The following RNF144B variants were observed in gnomAD, a reference collection of about 807,000 sequenced individuals.
RNF144B encodes ring finger protein 144B.
Under a neutral mutation model 40.2 loss-of-function variants are expected in RNF144B, and 25 were observed. The ratio of observed to expected loss-of-function variants is 0.62; its 90% CI spans 0.45 to 0.87. The LOEUF is 0.87. Ranked by LOEUF, RNF144B falls within the 40% of genes least tolerant of loss-of-function variation. RNF144B has a pLI of 0.00. For synonymous variants in RNF144B, 145 were observed against 136.3 expected, an observed-to-expected ratio of 1.06 and a Z score of -0.44; for missense variants, 365 against 373.7, an observed-to-expected ratio of 0.98 and a Z score of 0.19.
In RNF144B at chr6:18,387,890, G is replaced by A. The variant is rs193289751; in HGVS notation, c.-37+260G>A. ...TATAATAGAATGTATTGTAGAATCC[G>A]AGATTAGACCAGACCTCTCCCTAGG... On this transcript the variant is annotated intron_variant, in intron 1 of 7. Coordinates refer to ENST00000259939, the MANE Select transcript of RNF144B (RefSeq NM_182757.4). Among the ~76,000 whole-genome samples, 29 of 152,230 alleles carry A rather than the reference G, an allele frequency of 1.9e-4. No homozygotes were observed. The East Asian group carries it at 5.0e-3, about 26-fold the overall frequency.
rs58124564 is a variant in RNF144B, at chr6:18,406,457, AGTGTGTGT to A, written c.165+6795_165+6802del. On this transcript the variant is annotated intron_variant, in intron 2 of 7. Coordinates refer to ENST00000259939, the MANE Select transcript of RNF144B (RefSeq NM_182757.4). This position sits in a 1 kb window ranked among gnomAD's most constrained non-coding sequence, Gnocchi z 4.2. Reference sequence around the variant, plus strand: ...CAAAGGAGGCTGGTGTGGCTGGAAAAGTGTGTGTGTGTGTGTGTGTGTGTGTGTGTGTG... The same window carrying A: ...CAAAGGAGGCTGGTGTGGCTGGAAAAGTGTGTGTGTGTGTGTGTGTGTGTG... 0.17 allele frequency among the ~76,000 whole-genome samples: 22,527 copies of A among 130,910 alleles called. 1,961 individuals are homozygous for A. Among genetic ancestry groups the A allele is most frequent in the Admixed American group, 0.27 (3,491 of 13,048 alleles). The allele number at this position is 130,910 out of a possible 152,430, so 85.9% of individuals were successfully genotyped here.
rs9942540 is a variant in RNF144B, at chr6:18,461,871, A to G, written c.682-1420A>G. Among the ~76,000 whole-genome samples, 1,503 of 152,196 alleles carry G rather than the reference A, an allele frequency of 9.9e-3. 26 individuals are homozygous for G. Among genetic ancestry groups the G allele is most frequent in the African/African-American group, 0.035 (1,442 of 41,518 alleles). Reference sequence around the variant, plus strand: ...AAATCCAGGCCTGAGACGGACACCAAACAGGAATTTTGAGTGTTGTTGGAG... The same window carrying G: ...AAATCCAGGCCTGAGACGGACACCAGACAGGAATTTTGAGTGTTGTTGGAG... On this transcript the variant is annotated intron_variant, in intron 6 of 7. Coordinates refer to ENST00000259939, the MANE Select transcript of RNF144B (RefSeq NM_182757.4).
At chr6:18,409,520 G>A (rs1794990810) in intron 2 of RNF144B, among the ~76,000 whole-genome samples, 1 of 149,366 alleles carries the variant, frequency 6.7e-6, no homozygotes, top group African/African-American at 2.5e-5. Context: ...CACCCTCTTG[G>A]GTTGACAGAA....
chr6:18,449,380 T>C (rs1344263557), intron 4 of RNF144B, among the ~76,000 whole-genome samples: 1 of 152,188 alleles, frequency 6.6e-6, no homozygotes, highest in East Asian at 1.9e-4. Context: ...ACAAACGTAA[T>C]CATCTCAAAG....
chr6:18,427,812 CACTTTATTGCAGCTT>C (rs1289638740), intron 3 of RNF144B, 127 bp downstream of exon 3: 1 of 616,260 alleles, frequency 1.6e-6, no homozygotes, highest in Non-Finnish European at 2.8e-6. Context: ...TTTAAAGGAG[CACTTTATTGCAGCTT>C]ACCTTTGGAC....
rs1489225621 is a variant in RNF144B, at chr6:18,458,134, C to T, written c.536+775C>T. ...TCTATTTTTAGTAGAGATGGGGTTT[C>T]ACCATATTGGCCAGGCTGGTCTTGA... is the stretch of plus-strand genomic sequence containing the variant. On this transcript the variant is annotated intron_variant, in intron 5 of 7. Transcript: ENST00000259939. This position sits in a 1 kb window ranked among gnomAD's most constrained non-coding sequence, Gnocchi z 4.8. 6.6e-6 allele frequency among the ~76,000 whole-genome samples: 1 copy of T among 152,028 alleles called. No homozygotes were observed. Among genetic ancestry groups the T allele is most frequent in the East Asian group, 1.9e-4 (1 of 5,184 alleles).
At position 18,425,094 on chromosome 6, in the gene RNF144B, A is replaced by C. The variant is rs1193810115; in HGVS notation, c.166-2487A>C. Among the ~76,000 whole-genome samples, 1 of 152,132 alleles carries C rather than the reference A, an allele frequency of 6.6e-6. No individual in the cohort carries two copies. Among genetic ancestry groups the C allele is most frequent in the East Asian group, 1.9e-4 (1 of 5,200 alleles). Reference sequence around the variant, plus strand: ...GTGTGTTAAAACCTGTGAGGTAACTATAACAGGTATTATTGTCCCTACTTT... The same window carrying C: ...GTGTGTTAAAACCTGTGAGGTAACTCTAACAGGTATTATTGTCCCTACTTT... On this transcript the variant is annotated intron_variant, in intron 2 of 7. Transcript: ENST00000259939. The surrounding 1 kb of genome is among the most constrained non-coding windows in gnomAD (Gnocchi z 4.2).
chr6:18,391,980 C>T lies in RNF144B; in HGVS notation c.-37+4350C>T, dbSNP rs1237421197. 7.5e-5 allele frequency among the ~76,000 whole-genome samples: 10 copies of T among 134,106 alleles called. No homozygotes were observed. The South Asian group carries it at 1.5e-3, about 20-fold the overall frequency. The allele number at this position is 134,106 out of a possible 152,430, so 88.0% of individuals were successfully genotyped here. A position where few individuals can be genotyped will look rare whatever the true frequency, so the allele number is the denominator to read the frequency against. ...TTGGGAGGCCGACGCGGGAGGATCA[C>T]GGAGGTCAGGAGATCGAGACCATCC... On this transcript the variant is annotated intron_variant, in intron 1 of 7. Coordinates refer to ENST00000259939, the MANE Select transcript of RNF144B (RefSeq NM_182757.4).
At chr6:18,462,546 C>T (rs1759477859) in intron 6 of RNF144B, among the ~76,000 whole-genome samples, 1 of 152,196 alleles carries the variant, frequency 6.6e-6, no homozygotes, top group African/African-American at 2.4e-5. Flanking sequence ...TCTTCTACCC[C>T]ATGTACACCG....
chr6:18,448,687 T>TGC lies in RNF144B; in HGVS notation c.332-8467_332-8466dup, dbSNP rs1759139330. 2.6e-5 allele frequency among the ~76,000 whole-genome samples: 2 copies of TGC among 76,258 alleles called. No homozygotes were observed. The highest frequency in any genetic ancestry group is 4.2e-5 in the African/African-American group (1 of 23,812). The allele number at this position is 76,258 out of a possible 152,430, so 50.0% of individuals were successfully genotyped here. On this transcript the variant is annotated intron_variant, in intron 4 of 7. Transcript: ENST00000259939. This position sits in a 1 kb window ranked among gnomAD's most constrained non-coding sequence, Gnocchi z 4.0. ...ATCCATTTTATTTTGAAAGCCAGCA[T>TGC]GCACACACACACACACACACACACA...
At position 18,459,730 on chromosome 6, in the gene RNF144B, G is replaced by A. The variant is rs1314651413; in HGVS notation, c.660G>A (p.Trp220Ter). The change falls in exon 6 of 8, where the codon TGG (tryptophan) becomes TGA (stop). Residue 220 changes from tryptophan to a stop codon, truncating the protein, a stop_gained. Transcript: ENST00000259939. LOFTEE classifies it high-confidence loss of function. The surrounding 1 kb of genome is among the most constrained non-coding windows in gnomAD (Gnocchi z 4.2). ...MCKNCKHTFC[W>*]YCLQNLDNDI... ...AAAACTGCAAGCATACATTTTGCTG[G>A]TACTGCCTCCAGAACTTGGATGTAA... The A allele has an allele frequency of 1.9e-6, 3 of 1,613,928 alleles. No individual in the cohort carries two copies. In the African/African-American group the frequency reaches 4.0e-5, roughly 22 times the overall value.
At chr6:18,429,601 T>C (rs1278166197) in intron 3 of RNF144B, among the ~76,000 whole-genome samples, 1 of 151,740 alleles carries the variant, frequency 6.6e-6, no homozygotes, top group African/African-American at 2.4e-5. Flanking sequence ...ATGTAAACCC[T>C]GTGGAGAGAT....
chr6:18,430,319 A>G (rs1758664711), intron 3 of RNF144B, among the ~76,000 whole-genome samples: 1 of 152,240 alleles, frequency 6.6e-6, no homozygotes, highest in African/African-American at 2.4e-5. Flanking sequence ...AGTGTTTTAG[A>G]ATTTTCAGTA....
In RNF144B at chr6:18,467,538, CAG is replaced by C. The variant is rs2113547383; in HGVS notation, c.*2473_*2474del. 1 of 149,924 alleles carries C rather than the reference CAG, an allele frequency of 6.7e-6. No individual in the cohort carries two copies. Among genetic ancestry groups the C allele is most frequent in the African/African-American group, 2.5e-5 (1 of 40,714 alleles). 9.3% of individuals were successfully genotyped at this position (149,924 alleles called of 1,614,324 possible). On this transcript the variant is annotated 3_prime_UTR_variant, in exon 8 of 8. Transcript: ENST00000259939. ...AATTCTTAAATGTGTGTGAGATTGTCAGAATCAACAAAACTAGGTTGGTTAAA... is the reference window on the plus strand; with the variant it reads ...AATTCTTAAATGTGTGTGAGATTGTCAATCAACAAAACTAGGTTGGTTAAA...
rs1422197403 is a variant in RNF144B, at chr6:18,425,047, G to T, written c.166-2534G>T. Among the ~76,000 whole-genome samples, 5 of 148,560 alleles carry T rather than the reference G, an allele frequency of 3.4e-5. No individual in the cohort carries two copies. The highest frequency in any genetic ancestry group is 2.1e-4 in the Admixed American group (3 of 14,498). The stretch of plus-strand genomic sequence containing the variant: ...ATATATAAATTTCACGTGTATGTGT[G>T]TATGTGTGGGTGTGTGTGTGTGTGT... On this transcript the variant is annotated intron_variant, in intron 2 of 7. Coordinates refer to ENST00000259939, the MANE Select transcript of RNF144B (RefSeq NM_182757.4). This position sits in a 1 kb window ranked among gnomAD's most constrained non-coding sequence, Gnocchi z 4.2.
At chr6:18,439,843 A>C (rs1758918321) in intron 4 of RNF144B, 99 bp downstream of exon 4, 2 of 772,168 alleles carry the variant, frequency 2.6e-6, no homozygotes, top group African/African-American at 1.7e-5. Flanking sequence ...TGGGCTGTCA[A>C]CAAAGCCTCA....
At position 18,467,208 on chromosome 6, in the gene RNF144B, C is replaced by T. The variant is rs1420737197; in HGVS notation, c.*2141C>T. ...AGTGGCAAAGTCCTCTGTCAGTAAA[C>T]TCTTTAAGCTTGGTGCTGCAAAGAG... On this transcript the variant is annotated 3_prime_UTR_variant, in exon 8 of 8. Transcript: ENST00000259939. 2 of 152,574 alleles carry T rather than the reference C, an allele frequency of 1.3e-5. No individual in the cohort carries two copies. The highest frequency in any genetic ancestry group is 2.9e-5 in the Non-Finnish European group (2 of 68,032). 9.5% of individuals were successfully genotyped at this position (152,574 alleles called of 1,614,324 possible).
chr6:18,407,542 T>C (rs1478317467), intron 2 of RNF144B, among the ~76,000 whole-genome samples: 1 of 152,226 alleles, frequency 6.6e-6, no homozygotes, highest in Non-Finnish European at 1.5e-5. Flanking sequence ...ATTTCCAGGA[T>C]TGGGACATAC....
rs1193235283 is a variant in RNF144B, at chr6:18,406,500, G to GTGTGTGTA, written c.165+6802_165+6803insGTGTGTAT. The stretch of plus-strand genomic sequence containing the variant: ...TGTGTGTGTGTGTGTGTGTGTGTGT[G>GTGTGTGTA]TAGGGGGAGTAGTAGGAGATGAAGG... On this transcript the variant is annotated intron_variant, in intron 2 of 7. Transcript: ENST00000259939. The surrounding 1 kb of genome is among the most constrained non-coding windows in gnomAD (Gnocchi z 4.2). 1.7e-5 allele frequency among the ~76,000 whole-genome samples: 2 copies of GTGTGTGTA among 116,156 alleles called. No individual in the cohort carries two copies. Among genetic ancestry groups the GTGTGTGTA allele is most frequent in the Admixed American group, 1.8e-4 (2 of 11,044 alleles). The allele number at this position is 116,156 out of a possible 152,430, so 76.2% of individuals were successfully genotyped here.
Sources: gnomAD v4.1 joint callset for allele counts (sites outside exome capture counted in the v4.1 genomes callset) on GRCh38, gnomAD v4.1.1 for gene constraint, Gnocchi (gnomAD v3.1) non-coding constraint, MANE v1.5 for transcripts, NCBI Gene and HGNC (gene_info 2026-07-23, HGNC 2026-07-21) for gene names.